DOCK3: variants seen among roughly 807,000 people sequenced by gnomAD.
DOCK3 encodes dedicator of cytokinesis protein 3.
Under a neutral mutation model 265.6 loss-of-function variants are expected in DOCK3, and 60 were observed. The ratio of observed to expected loss-of-function variants is 0.23; its 90% CI spans 0.18 to 0.28. The LOEUF (loss-of-function observed/expected upper bound fraction) is 0.28, where lower values mean the gene tolerates loss of function less well. Among genes scored for constraint, DOCK3 ranks in the 10% least tolerant of loss-of-function variants. The probability of loss-of-function intolerance (pLI) is 1.00; values close to 1 mark genes in which losing one functional copy is unlikely to be tolerated. For synonymous variants in DOCK3, 881 were observed against 938.0 expected (o/e 0.94, Z 1.11); for missense variants, 1,981 against 2,594.3 (o/e 0.76, Z 5.14).
At chr3:50,713,237 T>G (rs1282195132) in intron 1 of DOCK3, among the ~76,000 whole-genome samples, 1 of 152,200 alleles carries the variant, frequency 6.6e-6, no homozygotes, top group Non-Finnish European at 1.5e-5. Context: ...GTTCTTTATC[T>G]TTTAGTAGGA....
chr3:51,041,628 A>G (rs1382307772), intron 5 of DOCK3, among the ~76,000 whole-genome samples: 1 of 152,162 alleles, frequency 6.6e-6, no homozygotes, highest in Non-Finnish European at 1.5e-5. Context: ...CTCCTTGTAC[A>G]TCTCCATCAA....
At position 51,357,093 on chromosome 3, in the gene DOCK3, T is replaced by G. The variant is rs1425546254; in HGVS notation, c.4635T>G (p.Asn1545Lys). Residue 1545 changes from asparagine to lysine, a missense_variant, in exon 44 of 53, where the codon AAT (asparagine) becomes AAG (lysine). This residue lies in a region of DOCK3 where 1,357 missense variants were observed against 1,866.8 expected (regional missense o/e 0.73). Coordinates refer to ENST00000266037, the MANE Select transcript of DOCK3 (RefSeq NM_004947.5). ...TTAACCTGCTAAGCATGTGCCTGAA[T>G]GGTGTCATTGATGCAGCTGTCAATG... Reference protein sequence around the residue: ...GNINLLSMCLNGVIDAAVNGG... With the variant: ...GNINLLSMCLKGVIDAAVNGG... The G allele has an allele frequency of 6.2e-7, 1 of 1,612,738 alleles. No individual in the cohort carries two copies. The highest frequency in any genetic ancestry group is 8.5e-7 in the Non-Finnish European group (1 of 1,179,892).
At chr3:50,869,386 T>TTTTTTTTTTTG (rs1221015881) in intron 3 of DOCK3, among the ~76,000 whole-genome samples, 1 of 87,778 alleles carries the variant, frequency 1.1e-5, no homozygotes, top group Non-Finnish European at 2.0e-5. Flanking sequence ...TTTTTTTTTT[T>TTTTTTTTTTTG]TTTTGGAGAT....
At chr3:50,944,872 A>G (rs142672624) in intron 5 of DOCK3, among the ~76,000 whole-genome samples, 15 of 152,322 alleles carry the variant, frequency 9.8e-5, no homozygotes, top group African/African-American at 3.4e-4. Flanking sequence ...AGGCAGGAGA[A>G]TTGCTTGAAC....
At chr3:51,275,243 T>C (rs1288204481) in intron 25 of DOCK3, 37 bp downstream of exon 25, 2 of 1,611,392 alleles carry the variant, frequency 1.2e-6, no homozygotes, top group Non-Finnish European at 1.7e-6. Flanking sequence ...TGTTCAGCTC[T>C]TCCCTAGTCT....
chr3:51,360,414 C>T lies in DOCK3; in HGVS notation c.4885-97C>T. On this transcript the variant is annotated intron_variant, in intron 46 of 52. Transcript: ENST00000266037. ...CCAACCATATGATTCTTTTTTGTTT[C>T]TTTTACATTTTTGATCACCAGTCAG... 92 of 1,456,048 alleles carry T rather than the reference C, an allele frequency of 6.3e-5. No homozygotes were observed. The Admixed American group carries it at 8.1e-4, about 13-fold the overall frequency. The allele number at this position is 1,456,048 out of a possible 1,614,324, so 90.2% of individuals were successfully genotyped here.
At chr3:51,197,493 G>A (rs1221300449) in intron 12 of DOCK3, among the ~76,000 whole-genome samples, 3 of 152,148 alleles carry the variant, frequency 2.0e-5, no homozygotes, top group Non-Finnish European at 4.4e-5. Flanking sequence ...CCAGGAACTC[G>A]GGTGGCACAT....
chr3:50,869,213 A>G (rs2047306052), intron 3 of DOCK3, among the ~76,000 whole-genome samples: 1 of 150,986 alleles, frequency 6.6e-6, no homozygotes. Context: ...TGACCTCATG[A>G]TCTGCCCACC....
chr3:51,305,048 A>G (rs567873858), intron 27 of DOCK3, among the ~76,000 whole-genome samples: 1 of 152,284 alleles, frequency 6.6e-6, no homozygotes, highest in East Asian at 1.9e-4. Context: ...TTGTTGTTAG[A>G]TGGAGTGTTC....
intron 4 of DOCK3, among the ~76,000 whole-genome samples, chr3:50,921,157 G>C (rs995017090): frequency 6.6e-6 from 1 of 152,110 alleles, no homozygotes; most frequent in Non-Finnish European, 1.5e-5. Flanking sequence ...CCTGAGGAGT[G>C]CTTTACTTCC....
In DOCK3 at chr3:50,915,754, G is replaced by A. The variant is rs151178481; in HGVS notation, c.219-18227G>A. Among the ~76,000 whole-genome samples, 11 of 152,072 alleles carry A rather than the reference G, an allele frequency of 7.2e-5. No individual in the cohort carries two copies. In the East Asian group the frequency reaches 2.1e-3, roughly 29 times the overall value. On this transcript the variant is annotated intron_variant, in intron 4 of 52. Transcript: ENST00000266037. ...GTGTATAGCCACTCTGGATGGCCAA[G>A]GCACTATTTTGTTTCAGCTTAGTTA... is the stretch of plus-strand genomic sequence containing the variant.
At chr3:51,254,830 G>T (rs897118757) in intron 22 of DOCK3, among the ~76,000 whole-genome samples, 3 of 152,152 alleles carry the variant, frequency 2.0e-5, no homozygotes, top group African/African-American at 4.8e-5. Context: ...CAATTTGCCA[G>T]TTTGTGTCTT....
At chr3:51,242,233 TG>T (rs1239116310) in intron 21 of DOCK3, among the ~76,000 whole-genome samples, 1 of 152,126 alleles carries the variant, frequency 6.6e-6, no homozygotes. Flanking sequence ...TAACACAACT[TG>T]GGGACTGGTA....
intron 7 of DOCK3, among the ~76,000 whole-genome samples, chr3:51,077,150 A>G (rs1360101071): frequency 2.0e-5 from 3 of 152,300 alleles, no homozygotes; most frequent in African/African-American, 2.4e-5. Context: ...AAGAAATACA[A>G]TAAGAATGTA....
rs1319601701 is a variant in DOCK3 at position 50,674,950 on chromosome 3, C to CGCG, written c.-307_-305dup. The CGCG allele has an allele frequency of 6.7e-6, 1 of 148,724 alleles. No homozygotes were observed. The highest frequency in any genetic ancestry group is 2.0e-4 in the East Asian group (1 of 5,116). 9.2% of individuals were successfully genotyped at this position (148,724 alleles called of 1,614,324 possible). On this transcript the variant is annotated 5_prime_UTR_variant, in exon 1 of 53. Transcript: ENST00000266037. This position sits in a 1 kb window ranked among gnomAD's most constrained non-coding sequence, Gnocchi z 4.3. ...GCGAGCCCGCTGGGGCGAGCCGAGC[C>CGCG]GCGGCGGCGCCGGGAGCCGGGCGGC...
intron 10 of DOCK3, among the ~76,000 whole-genome samples, chr3:51,149,942 A>G (rs1441355173): frequency 6.6e-6 from 1 of 152,234 alleles, no homozygotes; most frequent in Non-Finnish European, 1.5e-5. Context: ...TACCTCTGGT[A>G]GAATTCAGCT....
At chr3:51,108,473 C>T (rs1297701393) in intron 9 of DOCK3, among the ~76,000 whole-genome samples, 1 of 152,094 alleles carries the variant, frequency 6.6e-6, no homozygotes, top group Non-Finnish European at 1.5e-5. Context: ...TATAAAGCAG[C>T]CACACAAGTT....
chr3:50,846,314 A>G (rs1416813959), intron 3 of DOCK3, among the ~76,000 whole-genome samples: 1 of 152,232 alleles, frequency 6.6e-6, no homozygotes, highest in Non-Finnish European at 1.5e-5. Context: ...GAATTATTAC[A>G]GTGAAAAAAT....
intron 7 of DOCK3, among the ~76,000 whole-genome samples, chr3:51,086,597 A>G (rs2109509860): frequency 6.6e-6 from 1 of 152,364 alleles, no homozygotes; most frequent in African/African-American, 2.4e-5. Flanking sequence ...CAGGAGTTCA[A>G]GACCAGACTG....
Sources: gnomAD v4.1 joint callset for allele counts (sites outside exome capture counted in the v4.1 genomes callset) on GRCh38, gnomAD v4.1.1 for gene constraint, gnomAD v4.1.1 regional missense constraint, Gnocchi (gnomAD v3.1) non-coding constraint, MANE v1.5 for transcripts, NCBI Gene and HGNC (gene_info 2026-07-23, HGNC 2026-07-21) for gene names.